The following BCHE variants were observed in gnomAD, a reference collection of about 807,000 sequenced individuals.
BCHE encodes the protein cholinesterase.
Under a neutral mutation model 51.3 loss-of-function variants are expected in BCHE, and 48 were observed. The ratio of observed to expected loss-of-function variants is 0.94; its 90% CI spans 0.74 to 1.19. The LOEUF (loss-of-function observed/expected upper bound fraction) is 1.19, where lower values mean the gene tolerates loss of function less well. Ranked by LOEUF, BCHE falls within the 50% of genes most tolerant of loss-of-function variation. The probability of loss-of-function intolerance (pLI) is 0.00; values close to 1 mark genes in which losing one functional copy is unlikely to be tolerated. For synonymous variants in BCHE, 251 were observed against 238.0 expected, an observed-to-expected ratio of 1.05 and a Z score of -0.50; for missense variants, 847 against 708.2, an observed-to-expected ratio of 1.20 and a Z score of -2.23.
chr3:165,791,079 G>A (rs1186233034), intron 2 of BCHE, among the ~76,000 whole-genome samples: 5 of 151,980 alleles, frequency 3.3e-5, no homozygotes, highest in African/African-American at 7.2e-5. Context: ...GGCAGGTCAC[G>A]AGGTCAGAAG....
intron 2 of BCHE, among the ~76,000 whole-genome samples, chr3:165,805,171 T>A (rs995801046): frequency 6.6e-6 from 1 of 152,100 alleles, no homozygotes; most frequent in Non-Finnish European, 1.5e-5. Flanking sequence ...GGAGGAATAA[T>A]GTTTTGAAAA....
intron 2 of BCHE, among the ~76,000 whole-genome samples, chr3:165,817,526 C>G (rs368321629): frequency 3.9e-5 from 6 of 151,970 alleles, no homozygotes; most frequent in Non-Finnish European, 7.4e-5. Flanking sequence ...CTATTCCAGC[C>G]GCACTATCTT....
chr3:165,831,120 AAT>A, intron 1 of BCHE, 79 bp from the exon 2 acceptor site: 1 of 1,249,460 alleles, frequency 8.0e-7, no homozygotes, highest in Non-Finnish European at 1.1e-6. Flanking sequence ...AATTACCTAA[AAT>A]ATAGTCGTTA....
chr3:165,778,865 C>A (rs1334070553), intron 3 of BCHE: 1 of 223,476 alleles, frequency 4.5e-6, no homozygotes, highest in Non-Finnish European at 1.0e-5. Context: ...TAACTGTCAA[C>A]TACCTAGGAA....
At chr3:165,817,691 A>G (rs1162103131) in intron 2 of BCHE, among the ~76,000 whole-genome samples, 3 of 152,080 alleles carry the variant, frequency 2.0e-5, no homozygotes, top group South Asian at 2.1e-4. Context: ...ACAAATGATA[A>G]CACATTCTAT....
At chr3:165,803,431 C>A (rs947103190) in intron 2 of BCHE, among the ~76,000 whole-genome samples, 1 of 152,000 alleles carries the variant, frequency 6.6e-6, no homozygotes, top group African/African-American at 2.4e-5. Flanking sequence ...TTAGTATGCA[C>A]TTCTAAAAAA....
At chr3:165,829,474 G>GCT in intron 2 of BCHE, 43 bp downstream of exon 2, 1 of 1,544,466 alleles carries the variant, frequency 6.5e-7, no homozygotes, top group Non-Finnish European at 9.0e-7. Context: ...AAGCAAAACG[G>GCT]ATCAAACCAA....
chr3:165,779,272 C>A (rs1712590812), intron 3 of BCHE, among the ~76,000 whole-genome samples: 2 of 152,056 alleles, frequency 1.3e-5, no homozygotes, highest in African/African-American at 2.4e-5. Flanking sequence ...TGGAACATAT[C>A]TCAAAATAAT....
At chr3:165,825,599 C>T (rs1008258016) in intron 2 of BCHE, among the ~76,000 whole-genome samples, 4 of 152,006 alleles carry the variant, frequency 2.6e-5, no homozygotes, top group East Asian at 3.9e-4. Flanking sequence ...ATGTGCACAA[C>T]GTACAGCTTA....
At chr3:165,826,678 AG>A (rs1714733593) in intron 2 of BCHE, among the ~76,000 whole-genome samples, 2 of 152,140 alleles carry the variant, frequency 1.3e-5, no homozygotes, top group African/African-American at 4.8e-5. Context: ...TTACTAATTA[AG>A]AAGAATTTAT....
At chr3:165,785,632 T>C (rs1486942800) in intron 3 of BCHE, among the ~76,000 whole-genome samples, 1 of 151,714 alleles carries the variant, frequency 6.6e-6, no homozygotes, top group East Asian at 1.9e-4. Flanking sequence ...TGCTCTTAGA[T>C]AAATATTTCC....
At chr3:165,823,012 T>C (rs544057909) in intron 2 of BCHE, among the ~76,000 whole-genome samples, 3 of 152,246 alleles carry the variant, frequency 2.0e-5, no homozygotes, top group African/African-American at 7.2e-5. Context: ...AATGCACATA[T>C]AGACCTGTGT....
chr3:165,832,941 A>G (rs545984039), intron 1 of BCHE, among the ~76,000 whole-genome samples: 3 of 152,110 alleles, frequency 2.0e-5, no homozygotes, highest in Non-Finnish European at 4.4e-5. Flanking sequence ...TTTTTATCCC[A>G]ATAAATATCT....
At chr3:165,783,891 C>G (rs1464613136) in intron 3 of BCHE, among the ~76,000 whole-genome samples, 1 of 151,964 alleles carries the variant, frequency 6.6e-6, no homozygotes, top group African/African-American at 2.4e-5. Flanking sequence ...CATGCAATAA[C>G]AGCATAGCCA....
At chr3:165,801,531 A>G (rs1305964798) in intron 2 of BCHE, among the ~76,000 whole-genome samples, 1 of 152,206 alleles carries the variant, frequency 6.6e-6, no homozygotes, top group Admixed American at 6.5e-5. Flanking sequence ...TATGGAACAA[A>G]GCATATAATA....
At chr3:165,808,712 A>G (rs1713966621) in intron 2 of BCHE, among the ~76,000 whole-genome samples, 1 of 152,058 alleles carries the variant, frequency 6.6e-6, no homozygotes, top group South Asian at 2.1e-4. Flanking sequence ...CTGAAGTGAG[A>G]GCCATGATTG....
intron 2 of BCHE, among the ~76,000 whole-genome samples, chr3:165,792,383 C>A (rs889823507): frequency 3.9e-5 from 6 of 151,990 alleles, no homozygotes; most frequent in African/African-American, 1.4e-4. Context: ...AATAAAAAAT[C>A]TTTGATTATA....
chr3:165,781,253 A>G (rs769951100), intron 3 of BCHE, among the ~76,000 whole-genome samples: 1 of 152,112 alleles, frequency 6.6e-6, no homozygotes, highest in East Asian at 1.9e-4. Context: ...CTTCACCTCA[A>G]AAAAATAAAT....
At chr3:165,806,628 A>C (rs1176479369) in intron 2 of BCHE, among the ~76,000 whole-genome samples, 1 of 152,208 alleles carries the variant, frequency 6.6e-6, no homozygotes, top group African/African-American at 2.4e-5. Context: ...AACATTTAAT[A>C]TAAAATATCA....
Sources: gnomAD v4.1 joint callset for allele counts (sites outside exome capture counted in the v4.1 genomes callset) on GRCh38, gnomAD v4.1.1 for gene constraint, MANE v1.5 for transcripts, NCBI Gene and HGNC (gene_info 2026-07-23, HGNC 2026-07-21) for gene names.